CDKN2A: variants seen among roughly 807,000 people sequenced by gnomAD.
The protein encoded by CDKN2A is cyclin dependent kinase inhibitor 2A.
A neutral mutation model predicts 11.1 loss-of-function variants in CDKN2A; 3 were observed. The ratio of observed to expected loss-of-function variants is 0.27; its 90% confidence interval spans 0.12 to 0.70. The LOEUF (loss-of-function observed/expected upper bound fraction) is 0.70. Ranked by LOEUF, CDKN2A falls within the 30% of genes least tolerant of loss-of-function variation. CDKN2A has a pLI of 0.77. For synonymous variants in CDKN2A, 122 were observed against 108.1 expected, an observed-to-expected ratio of 1.13 and a Z score of -0.80; for missense variants, 265 against 233.6, an observed-to-expected ratio of 1.13 and a Z score of -0.88.
At position 21,974,665 on chromosome 9, in the gene CDKN2A, A is replaced by T. The variant is rs779983201; in HGVS notation, c.150+13T>A. Reference sequence around the variant, plus strand: ...CCGCCATCCCCTGCTCCCGCTGCAGACCCTCTACCCACCTGGATCGGCCTC... The same window carrying T: ...CCGCCATCCCCTGCTCCCGCTGCAGTCCCTCTACCCACCTGGATCGGCCTC... On this transcript the variant is annotated intron_variant, in intron 1 of 2. Coordinates refer to ENST00000304494, the MANE Select transcript of CDKN2A (RefSeq NM_000077.5). The surrounding 1 kb of genome is among the most constrained non-coding windows in gnomAD (Gnocchi z 5.2). The T allele has an allele frequency of 1.9e-6, 3 of 1,613,950 alleles. No individual in the cohort carries two copies.
In CDKN2A at chr9:21,968,639, A is replaced by C; in HGVS notation, c.458-397T>G. ...TCCCGCATCCCCAGGCATCTTTTGC[A>C]CCTGGTGCGGAGTGAGCCAGCCAGC... On this transcript the variant is annotated intron_variant, in intron 2 of 2. Coordinates refer to ENST00000304494, the MANE Select transcript of CDKN2A (RefSeq NM_000077.5). The surrounding 1 kb of genome is among the most constrained non-coding windows in gnomAD (Gnocchi z 4.7). 6.6e-7 allele frequency: 1 copy of C among 1,526,582 alleles called. No homozygotes were observed. The highest frequency in any genetic ancestry group is 8.8e-7 in the Non-Finnish European group (1 of 1,141,860). 94.6% of individuals were successfully genotyped at this position (1,526,582 alleles called of 1,614,324 possible). A position where few individuals can be genotyped will look rare whatever the true frequency, so the allele number is the denominator to read the frequency against.
rs912271366 is a variant in CDKN2A, at chr9:21,968,264, C to G, written c.458-22G>C. 1 of 1,613,812 alleles carries G rather than the reference C, an allele frequency of 6.2e-7. No individual in the cohort carries two copies. Among genetic ancestry groups the G allele is most frequent in the Non-Finnish European group, 8.5e-7 (1 of 1,179,822 alleles). On this transcript the variant is annotated intron_variant, in intron 2 of 2. Transcript: ENST00000304494. This position sits in a 1 kb window ranked among gnomAD's most constrained non-coding sequence, Gnocchi z 4.7. ...ATGTCTGCAGAGGGCAGAAAGAAAA[C>G]AGGCGTTAGAAACCTGAGGTCAAAG...
intron 1 of CDKN2A, chr9:21,994,446 C>G (rs767028412): frequency 6.4e-7 from 1 of 1,562,898 alleles, no homozygotes; most frequent in Non-Finnish European, 8.6e-7. Flanking sequence ...CGCACCGCCC[C>G]CTGCCCATCT....
chr9:21,975,721 G>A (rs888128144), upstream of CDKN2A, among the ~76,000 whole-genome samples: 1 of 152,194 alleles, frequency 6.6e-6, no homozygotes, highest in African/African-American at 2.4e-5. Context: ...GGAAAATGGG[G>A]AGGGAGTCAT....
At chr9:21,979,721 G>A (rs192478384), upstream of CDKN2A, among the ~76,000 whole-genome samples, 3 of 152,310 alleles carry the variant, frequency 2.0e-5, no homozygotes, top group East Asian at 1.9e-4. Context: ...TACCTCTTAT[G>A]AGTAGAGAGG....
At chr9:21,993,998 T>C in exon 2 of CDKN2A, 2 of 906,642 alleles carry the variant, frequency 2.2e-6, no homozygotes, top group Non-Finnish European at 3.5e-6. Context: ...TAAGTCGTTG[T>C]AACCCGAATG....
chr9:21,977,459 G>A (rs749362348), upstream of CDKN2A, among the ~76,000 whole-genome samples: 1 of 152,068 alleles, frequency 6.6e-6, no homozygotes, highest in African/African-American at 2.4e-5. Flanking sequence ...TCCGCCTCCC[G>A]GGTTCGAGCA....
At chr9:21,994,521 C>A in intron 1 of CDKN2A, 1 of 1,325,892 alleles carries the variant, frequency 7.5e-7, no homozygotes. Context: ...CCCCCACCCC[C>A]ACCCCACCCC....
Position 21,995,141 on chromosome 9 carries a change from C to T in CDKN2A, c.-496G>A, listed in dbSNP as rs988951589. 2 of 152,228 alleles carry T rather than the reference C, an allele frequency of 1.3e-5. No individual in the cohort carries two copies. Among genetic ancestry groups the T allele is most frequent in the Admixed American group, 1.3e-4 (2 of 15,294 alleles). The allele number at this position is 152,228 out of a possible 1,614,324, so 9.4% of individuals were successfully genotyped here. On this transcript the variant is annotated 5_prime_UTR_variant, in exon 1 of 4. Transcript: ENST00000494262. This position sits in a 1 kb window ranked among gnomAD's most constrained non-coding sequence, Gnocchi z 5.7. Reference sequence around the variant, plus strand: ...GCGCTGGCGCTGCCGGAGCTGTCGACCCGGCCTGGCGCCGGACTAGGTAGG... The same window carrying T: ...GCGCTGGCGCTGCCGGAGCTGTCGATCCGGCCTGGCGCCGGACTAGGTAGG...
chr9:21,992,955 C>T (rs1045096270), intron 2 of CDKN2A, among the ~76,000 whole-genome samples: 1 of 151,966 alleles, frequency 6.6e-6, no homozygotes, highest in African/African-American at 2.4e-5. Flanking sequence ...AATTAACTTG[C>T]ATAATATGAA....
intron 2 of CDKN2A, chr9:21,969,711 T>C (rs1819602694): frequency 2.5e-6 from 1 of 395,334 alleles, no homozygotes; most frequent in Non-Finnish European, 4.5e-6. Context: ...TGGCAGCTCC[T>C]TCTAAATCGG....
Position 21,991,552 on chromosome 9 carries a change from G to T in CDKN2A, c.-4+2330C>A. The T allele has an allele frequency of 3.3e-6, 2 of 609,836 alleles. No individual in the cohort carries two copies. Among genetic ancestry groups the T allele is most frequent in the South Asian group, 7.2e-5 (1 of 13,818 alleles). The allele number at this position is 609,836 out of a possible 1,614,324, so 37.8% of individuals were successfully genotyped here. On this transcript the variant is annotated intron_variant, in intron 2 of 3. Transcript: ENST00000494262. This position sits in a 1 kb window ranked among gnomAD's most constrained non-coding sequence, Gnocchi z 5.2. ...AGCACTGGGCCCACTGTTGAACCTTGCTATAAAAAAGTATTTTTGATACCA... is the reference window on the plus strand; with the variant it reads ...AGCACTGGGCCCACTGTTGAACCTTTCTATAAAAAAGTATTTTTGATACCA...
At chr9:21,986,496 A>G (rs996969041) in intron 2 of CDKN2A, among the ~76,000 whole-genome samples, 3 of 152,052 alleles carry the variant, frequency 2.0e-5, no homozygotes, top group Admixed American at 6.6e-5. Context: ...AACCATATAC[A>G]TATTTATAGC....
chr9:21,978,686 C>G (rs570873271), upstream of CDKN2A, among the ~76,000 whole-genome samples: 1 of 152,130 alleles, frequency 6.6e-6, no homozygotes. Context: ...GAAATTTAAA[C>G]CTGTCTTAAT....
At chr9:21,970,530 C>A in intron 2 of CDKN2A, 1 of 501,186 alleles carries the variant, frequency 2.0e-6, no homozygotes, top group Non-Finnish European at 3.6e-6. Context: ...GGAAACAGAC[C>A]TGGTAAGTGG....
intron 2 of CDKN2A, among the ~76,000 whole-genome samples, chr9:21,969,239 A>G (rs561057823): frequency 6.6e-6 from 1 of 152,084 alleles, no homozygotes; most frequent in Admixed American, 6.5e-5. Context: ...ACAAACAAAC[A>G]AACCCAGGCG....
chr9:21,973,061 A>G (rs867441369), intron 1 of CDKN2A, among the ~76,000 whole-genome samples: 8 of 152,234 alleles, frequency 5.3e-5, no homozygotes, highest in South Asian at 4.1e-4. Flanking sequence ...TTGCAGCTAC[A>G]AAAAGAAAGA....
At chr9:21,971,279 C>T (rs2131097716) in intron 1 of CDKN2A, 71 bp from the exon 2 acceptor site, 1 of 1,546,644 alleles carries the variant, frequency 6.5e-7, no homozygotes, top group Non-Finnish European at 8.7e-7. Flanking sequence ...TTGTGTAGAG[C>T]CCCCTCACCG....
Position 21,974,428 on chromosome 9 carries a change from C to G in CDKN2A, c.150+250G>C, listed in dbSNP as rs763804673. On this transcript the variant is annotated intron_variant, in intron 1 of 2. Transcript: ENST00000304494. This position sits in a 1 kb window ranked among gnomAD's most constrained non-coding sequence, Gnocchi z 5.2. Reference sequence around the variant, plus strand: ...CTTCCATCTAATACAAATATGTTCCCCCCTTCAGATCTTCTCAGCATTCGA... The same window carrying G: ...CTTCCATCTAATACAAATATGTTCCGCCCTTCAGATCTTCTCAGCATTCGA... 5.6e-6 allele frequency: 9 copies of G among 1,608,294 alleles called. No homozygotes were observed. The highest frequency in any genetic ancestry group is 1.1e-5 in the South Asian group (1 of 90,170).
Sources: gnomAD v4.1 joint callset for allele counts (sites outside exome capture counted in the v4.1 genomes callset) on GRCh38, gnomAD v4.1.1 for gene constraint, Gnocchi (gnomAD v3.1) non-coding constraint, MANE v1.5 for transcripts, NCBI Gene and HGNC (gene_info 2026-07-23, HGNC 2026-07-21) for gene names.